USP49: variants seen among roughly 807,000 people sequenced by gnomAD.
USP49 encodes ubiquitin carboxyl-terminal hydrolase 49.
USP49 carries 24 observed loss-of-function variants against 58.6 expected under a neutral mutation model. The ratio of observed to expected loss-of-function variants is 0.41; its 90% CI spans 0.30 to 0.58. The LOEUF is 0.58. USP49 is among the 20% of genes least tolerant of loss of function. The pLI is 0.30. For synonymous variants in USP49, 408 were observed against 365.1 expected (o/e 1.12, Z -1.34); for missense variants, 703 against 866.1 (o/e 0.81, Z 2.36).
chr6:41,880,023 CAAGT>C, intron 2 of USP49, among the ~76,000 whole-genome samples: 1 of 151,530 alleles, frequency 6.6e-6, no homozygotes, highest in Admixed American at 6.6e-5. Flanking sequence ...ATGAAATGAA[CAAGT>C]AATGTATTTT....
intron 3 of USP49, among the ~76,000 whole-genome samples, chr6:41,839,367 T>C (rs1241154929): frequency 8.4e-6 from 1 of 118,998 alleles, no homozygotes; most frequent in Non-Finnish European, 1.6e-5. Flanking sequence ...ATTGTGCCAC[T>C]GCGCTCCAGT....
chr6:41,877,144 A>G (rs1384857867), intron 2 of USP49, among the ~76,000 whole-genome samples: 1 of 152,228 alleles, frequency 6.6e-6, no homozygotes, highest in African/African-American at 2.4e-5. Flanking sequence ...TTAGTTTGCC[A>G]TGGGTTTTGT....
At chr6:41,804,451 T>C (rs1181054615) in intron 4 of USP49, among the ~76,000 whole-genome samples, 5 of 152,130 alleles carry the variant, frequency 3.3e-5, no homozygotes, top group African/African-American at 1.2e-4. Context: ...CTTTGTTACT[T>C]GCAGAAGCCC....
At position 41,790,830 on chromosome 6, in the gene USP49, C is replaced by G. The variant is rs1317430114; in HGVS notation, c.*5703G>C. 4 of 152,136 alleles carry G rather than the reference C, an allele frequency of 2.6e-5. No individual in the cohort carries two copies. Among genetic ancestry groups the G allele is most frequent in the Non-Finnish European group, 5.9e-5 (4 of 68,034 alleles). The allele number at this position is 152,136 out of a possible 1,614,324, so 9.4% of individuals were successfully genotyped here. A position where few individuals can be genotyped will look rare whatever the true frequency, so the allele number is the denominator to read the frequency against. ...GAAGCTAAGACCCTTTGAGTCTACA[C>G]TGGGTTGACTCTGAGAGGTTTATAT... On this transcript the variant is annotated 3_prime_UTR_variant, in exon 8 of 8. Transcript: ENST00000682992.
intron 3 of USP49, among the ~76,000 whole-genome samples, chr6:41,844,912 G>T (rs888257183): frequency 6.6e-6 from 1 of 151,758 alleles, no homozygotes; most frequent in South Asian, 2.1e-4. Flanking sequence ...GTTTTGTTTT[G>T]TGTTTTGAGA....
chr6:41,818,715 T>C lies in USP49; in HGVS notation c.-28-11704A>G, dbSNP rs1773401845. Among the ~76,000 whole-genome samples the C allele has an allele frequency of 2.0e-5, 3 of 152,270 alleles. No homozygotes were observed. The South Asian group carries it at 6.2e-4, about 32-fold the overall frequency. ...CCTATGAATCCCAACACATGAATGT[T>C]CCAACCAATGGAAGAAAGATGTCAC... On this transcript the variant is annotated intron_variant, in intron 3 of 7. Transcript: ENST00000682992.
In USP49 at chr6:41,861,687, T is replaced by C. The variant is rs188509050; in HGVS notation, c.-29+9877A>G. Among the ~76,000 whole-genome samples, 9 of 152,160 alleles carry C rather than the reference T, an allele frequency of 5.9e-5. No individual in the cohort carries two copies. In the East Asian group the frequency reaches 1.5e-3, roughly 26 times the overall value. On this transcript the variant is annotated intron_variant, in intron 3 of 7. Coordinates refer to ENST00000682992, the MANE Select transcript of USP49 (RefSeq NM_001286554.2). ...TTAATATATCTTATACATTTTCCCA[T>C]ATATCTGGCTTTACGTCACTCTTTT...
At chr6:41,798,958 G>T (rs758762929) in intron 6 of USP49, 29 bp from the exon 7 acceptor site, 1 of 1,604,142 alleles carries the variant, frequency 6.2e-7, no homozygotes, top group Non-Finnish European at 8.5e-7. Context: ...CTTGTTACTA[G>T]TAAAAACTGG....
intron 2 of USP49, among the ~76,000 whole-genome samples, chr6:41,884,135 T>C (rs1774666411): frequency 2.0e-5 from 3 of 152,126 alleles, no homozygotes; most frequent in African/African-American, 7.2e-5. Context: ...GCAATTCTCC[T>C]GCCTCAGCCT....
intron 3 of USP49, among the ~76,000 whole-genome samples, chr6:41,831,962 A>T (rs528834452): frequency 6.6e-6 from 1 of 152,302 alleles, no homozygotes; most frequent in South Asian, 2.1e-4. Flanking sequence ...CTCAAAAGCC[A>T]GCTTAGGTCC....
intron 2 of USP49, among the ~76,000 whole-genome samples, chr6:41,875,993 G>A (rs1236564001): frequency 6.6e-6 from 1 of 152,194 alleles, no homozygotes; most frequent in East Asian, 1.9e-4. Context: ...GCCTCCCAAA[G>A]TGCTGGGATT....
intron 3 of USP49, among the ~76,000 whole-genome samples, chr6:41,857,296 C>T (rs765678248): frequency 6.6e-6 from 1 of 152,170 alleles, no homozygotes; most frequent in Non-Finnish European, 1.5e-5. Context: ...TTGTATTAAG[C>T]ATGTTATCTC....
At chr6:41,802,533 G>C (rs1252986561) in intron 5 of USP49, among the ~76,000 whole-genome samples, 1 of 142,358 alleles carries the variant, frequency 7.0e-6, no homozygotes, top group African/African-American at 2.7e-5. Flanking sequence ...GAGTGCAGTG[G>C]CGCCCACCTT....
chr6:41,855,942 G>C (rs1383159879), intron 3 of USP49, among the ~76,000 whole-genome samples: 1 of 152,114 alleles, frequency 6.6e-6, no homozygotes, highest in Non-Finnish European at 1.5e-5. Context: ...CAGCTACTAG[G>C]GGGGCTGAGG....
At position 41,806,657 on chromosome 6, in the gene USP49, C is replaced by A; in HGVS notation, c.327G>T (p.Thr109=). Residue 109 remains threonine, a synonymous_variant, in exon 4 of 8, where the codon ACG becomes ACT. Coordinates refer to ENST00000682992, the MANE Select transcript of USP49 (RefSeq NM_001286554.2). The surrounding 1 kb of genome is among the most constrained non-coding windows in gnomAD (Gnocchi z 5.9). ...GCAGCGTCCGCCCACGTCTCACCGG[C>A]GTGTCCTGTTTCTGGCCCCGGACCG... is the stretch of plus-strand genomic sequence containing the variant. ...LLAVRGQKQD[T]PVRRGRTLRS... 2 of 1,613,986 alleles carry A rather than the reference C, an allele frequency of 1.2e-6. No homozygotes were observed. The highest frequency in any genetic ancestry group is 8.5e-7 in the Non-Finnish European group (1 of 1,180,040).
chr6:41,882,538 A>T (rs1302117245), intron 2 of USP49, among the ~76,000 whole-genome samples: 1 of 152,242 alleles, frequency 6.6e-6, no homozygotes, highest in East Asian at 1.9e-4. Flanking sequence ...GGATGATCTA[A>T]GTCCAAGAAG....
chr6:41,815,284 A>G (rs2127329895), intron 3 of USP49, among the ~76,000 whole-genome samples: 1 of 152,012 alleles, frequency 6.6e-6, no homozygotes, highest in East Asian at 1.9e-4. Flanking sequence ...AGCTGGGCAT[A>G]GTGGCGGGCA....
chr6:41,806,947 C>T lies in USP49; in HGVS notation c.37G>A (p.Ala13Thr), dbSNP rs201585090. The change falls in exon 4 of 8, where the codon GCC becomes ACC. Residue 13 changes from alanine to threonine, a missense_variant. By Grantham distance (58) the Ala-to-Thr change is moderately conservative (BLOSUM62 0). Coordinates refer to ENST00000682992, the MANE Select transcript of USP49 (RefSeq NM_001286554.2). The surrounding 1 kb of genome is among the most constrained non-coding windows in gnomAD (Gnocchi z 5.9). Reference sequence around the variant, plus strand: ...GGGTTCAGGATGGAGTGGTCCTGGGCGAGCCGTAACCGCCCTACATGTTTG... The same window carrying T: ...GGGTTCAGGATGGAGTGGTCCTGGGTGAGCCGTAACCGCCCTACATGTTTG... ...RCKHVGRLRL[A>T]QDHSILNPQK... The T allele has an allele frequency of 2.6e-5, 40 of 1,565,448 alleles. No individual in the cohort carries two copies. Among genetic ancestry groups the T allele is most frequent in the Non-Finnish European group, 3.3e-5 (38 of 1,158,834 alleles).
intron 2 of USP49, among the ~76,000 whole-genome samples, chr6:41,878,250 G>A (rs1774537026): frequency 6.6e-6 from 1 of 152,082 alleles, no homozygotes; most frequent in Non-Finnish European, 1.5e-5. Context: ...GGTGTTCTGG[G>A]GCAGGCTGGG....
Sources: allele counts gnomAD v4.1 joint callset (sites outside exome capture counted in the v4.1 genomes callset), GRCh38; gene constraint gnomAD v4.1.1; non-coding constraint Gnocchi (gnomAD v3.1); transcripts MANE v1.5; gene names NCBI Gene and HGNC (gene_info 2026-07-23, HGNC 2026-07-21).